ANKFN1: variants seen among roughly 807,000 people sequenced by gnomAD.
ANKFN1 encodes the protein ankyrin repeat and fibronectin type III domain containing 1.
A neutral mutation model predicts 108.7 loss-of-function variants in ANKFN1; 74 were observed. The observed-to-expected ratio is 0.68, with a 90% CI of 0.56 to 0.83. ANKFN1 has a LOEUF of 0.83. Ranked by LOEUF, ANKFN1 falls within the 40% of genes least tolerant of loss-of-function variation. The pLI, the probability that ANKFN1 is intolerant of heterozygous loss-of-function variation, is 0.00. For synonymous variants in ANKFN1, 547 were observed against 516.2 expected (o/e 1.06, Z -0.81); for missense variants, 1,505 against 1,382.3 (o/e 1.09, Z -1.41).
chr17:56,116,827 A>G (rs1598104698), intron 4 of ANKFN1, among the ~76,000 whole-genome samples: 3 of 152,246 alleles, frequency 2.0e-5, no homozygotes, highest in Admixed American at 2.0e-4. Context: ...TTAAAATGTG[A>G]CTTTCTCATG....
At chr17:56,170,805 TATACACAC>T (rs1186901936) in intron 1 of ANKFN1, among the ~76,000 whole-genome samples, 1 of 72,126 alleles carries the variant, frequency 1.4e-5, no homozygotes, top group African/African-American at 5.6e-5. Flanking sequence ...TATATATATA[TATACACAC>T]ACACACACAC....
chr17:56,464,395 T>C (rs1418312687), intron 14 of ANKFN1, among the ~76,000 whole-genome samples: 8 of 152,200 alleles, frequency 5.3e-5, no homozygotes, highest in African/African-American at 1.9e-4. Flanking sequence ...GAAAAGTGGC[T>C]GAGTCCTTTC....
At chr17:56,115,477 T>A (rs921068899) in intron 4 of ANKFN1, among the ~76,000 whole-genome samples, 1 of 152,134 alleles carries the variant, frequency 6.6e-6, no homozygotes, top group Non-Finnish European at 1.5e-5. Context: ...ATTATATATG[T>A]TAATAATCTA....
chr17:56,454,562 A>C (rs1277415940), intron 11 of ANKFN1, among the ~76,000 whole-genome samples: 1 of 152,214 alleles, frequency 6.6e-6, no homozygotes, highest in Non-Finnish European at 1.5e-5. Context: ...GGAAGTTCTG[A>C]GCACATGCGT....
intron 4 of ANKFN1, among the ~76,000 whole-genome samples, chr17:56,101,161 T>A (rs111472495): frequency 0.011 from 1,703 of 152,266 alleles, 33 homozygotes; most frequent in African/African-American, 0.039. Flanking sequence ...AGTCTTGATT[T>A]TAGACTCTTC....
chr17:56,275,574 T>C (rs984261402), intron 3 of ANKFN1, among the ~76,000 whole-genome samples: 7 of 151,896 alleles, frequency 4.6e-5, no homozygotes, highest in Non-Finnish European at 1.0e-4. Flanking sequence ...AGAAAAAGAT[T>C]AAGGAGGTGT....
intron 8 of ANKFN1, among the ~76,000 whole-genome samples, chr17:56,393,490 T>A (rs1307268237): frequency 6.6e-6 from 1 of 152,172 alleles, no homozygotes; most frequent in East Asian, 1.9e-4. Context: ...TATGGATAAC[T>A]TGAGGGCAAA....
intron 8 of ANKFN1, among the ~76,000 whole-genome samples, chr17:56,390,801 T>C (rs989606483): frequency 2.7e-4 from 41 of 152,278 alleles, no homozygotes; most frequent in African/African-American, 9.6e-4. Context: ...TGACCAACGA[T>C]GATGAGCTTT....
intron 6 of ANKFN1, among the ~76,000 whole-genome samples, chr17:56,357,410 C>T (rs1195689770): frequency 1.3e-5 from 2 of 152,218 alleles, no homozygotes; most frequent in Non-Finnish European, 2.9e-5. Context: ...GCCAGGGACT[C>T]AGGCCCGGAT....
chr17:56,297,170 A>C (rs191125498), intron 3 of ANKFN1, among the ~76,000 whole-genome samples: 1 of 152,288 alleles, frequency 6.6e-6, no homozygotes, highest in African/African-American at 2.4e-5. Flanking sequence ...GTTGCTTCGG[A>C]TCATTGGCCT....
At chr17:56,446,091 A>G (rs1027040965) in intron 10 of ANKFN1, among the ~76,000 whole-genome samples, 9 of 152,204 alleles carry the variant, frequency 5.9e-5, no homozygotes, top group Non-Finnish European at 1.0e-4. Flanking sequence ...AAACCTTGGC[A>G]TTATGTCCAG....
chr17:56,154,718 A>G (rs951414761), intron 1 of ANKFN1, among the ~76,000 whole-genome samples: 3 of 152,026 alleles, frequency 2.0e-5, no homozygotes, highest in Non-Finnish European at 4.4e-5. Context: ...CAGGAACTAT[A>G]CAGTTTTCAA....
intron 6 of ANKFN1, among the ~76,000 whole-genome samples, chr17:56,358,630 A>C (rs1464039176): frequency 1.3e-5 from 2 of 152,202 alleles, no homozygotes; most frequent in Non-Finnish European, 1.5e-5. Flanking sequence ...GCAGAAAAAC[A>C]ATCAGCCATT....
intron 3 of ANKFN1, among the ~76,000 whole-genome samples, chr17:56,276,897 G>T (rs1290662695): frequency 6.6e-6 from 1 of 152,064 alleles, no homozygotes; most frequent in African/African-American, 2.4e-5. Context: ...TGAATGAGAT[G>T]ATTTTTTTTG....
rs11312453 is a variant in ANKFN1, at chr17:56,351,236, C to CA, written c.390+279dup. On this transcript the variant is annotated intron_variant, in intron 5 of 20. Coordinates refer to ENST00000682825, the MANE Select transcript of ANKFN1 (RefSeq NM_001370326.1). ...ACTACACCAAAAAATAAATAAACCT[C>CA]AAAAAAAAAAGCAGCTTGACAACTA... Among the ~76,000 whole-genome samples, 572 of 144,636 alleles carry CA rather than the reference C, an allele frequency of 4.0e-3. 4 individuals carry two copies. Among genetic ancestry groups the CA allele is most frequent in the African/African-American group, 0.01 (397 of 39,564 alleles). The allele number at this position is 144,636 out of a possible 152,430, so 94.9% of individuals were successfully genotyped here.
chr17:56,482,284 C>A, intron 17 of ANKFN1, 72 bp from the exon 18 acceptor site: 1 of 1,325,372 alleles, frequency 7.5e-7, no homozygotes, highest in South Asian at 1.8e-5. Flanking sequence ...TGTTTTATGC[C>A]AGTTTGGTGT....
intron 4 of ANKFN1, among the ~76,000 whole-genome samples, chr17:56,068,922 T>C (rs1029597189): frequency 3.9e-5 from 6 of 152,178 alleles, no homozygotes; most frequent in African/African-American, 1.2e-4. Context: ...ATCTACATGA[T>C]GTATGTTGAT....
At position 56,192,216 on chromosome 17, in the gene ANKFN1, G is replaced by A. The variant is rs551771637; in HGVS notation, c.-70-20382G>A. 6.7e-5 allele frequency among the ~76,000 whole-genome samples: 10 copies of A among 149,344 alleles called. No individual in the cohort carries two copies. In the South Asian group the frequency reaches 2.2e-3, roughly 32 times the overall value. On this transcript the variant is annotated intron_variant, in intron 1 of 20. Coordinates refer to ENST00000682825, the MANE Select transcript of ANKFN1 (RefSeq NM_001370326.1). ...TAGCCATATGTAGAAAGCTGAAACT[G>A]GATCCCTTCCTTACACCTTATACAA...
rs74440205 is a variant in ANKFN1 at position 56,046,340 on chromosome 17, G to A, written c.288+15G>A. 1.3e-3 allele frequency: 200 copies of A among 153,320 alleles called. 1 individual carries two copies. The highest frequency in any genetic ancestry group is 4.4e-3 in the African/African-American group (181 of 41,562). 9.5% of individuals were successfully genotyped at this position (153,320 alleles called of 1,614,324 possible). A position where few individuals can be genotyped will look rare whatever the true frequency, so the allele number is the denominator to read the frequency against. ...GGCTGCCGCATGTGAGTAGCATTTT[G>A]TGATTTCTTTGCAGCTGGGAAAGGA... On this transcript the variant is annotated intron_variant, in intron 4 of 12. Coordinates refer to the ANKFN1 transcript ENST00000635860.
Sources: allele counts gnomAD v4.1 joint callset (sites outside exome capture counted in the v4.1 genomes callset), GRCh38; gene constraint gnomAD v4.1.1; transcripts MANE v1.5; gene names NCBI Gene and HGNC (gene_info 2026-07-23, HGNC 2026-07-21).